Variants in ATP11A observed in about 807,000 individuals in gnomAD.
ATP11A encodes ATPase phospholipid transporting 11A.
In ATP11A, 81 loss-of-function variants were observed where a neutral mutation model predicts 154.4. The observed-to-expected ratio is 0.52, with a 90% CI of 0.44 to 0.63. ATP11A has a LOEUF of 0.63. ATP11A is among the 30% of genes least tolerant of loss of function. The probability of loss-of-function intolerance (pLI) is 0.00; values close to 1 mark genes in which losing one functional copy is unlikely to be tolerated. For missense variants in ATP11A, 1,316 were observed against 1,474.3 expected (o/e 0.89, Z 1.76); for synonymous variants, 623 against 585.9 (o/e 1.06, Z -0.91).
At chr13:112,846,446 T>C (rs553894551) in intron 17 of ATP11A, among the ~76,000 whole-genome samples, 55 of 152,298 alleles carry the variant, frequency 3.6e-4, no homozygotes, top group African/African-American at 1.3e-3. Flanking sequence ...CATCGGAGTT[T>C]TCATGTCTAG....
In ATP11A at chr13:112,690,112, G is replaced by GCCGAGCCCAA. The variant is rs1384458629; in HGVS notation, c.-298_-289dup. Among the ~76,000 whole-genome samples the GCCGAGCCCAA allele has an allele frequency of 1.3e-4, 19 of 148,586 alleles. No individual in the cohort carries two copies. The highest frequency in any genetic ancestry group is 3.4e-3 in the Middle Eastern group (1 of 290). On this transcript the variant is annotated 5_prime_UTR_variant, in exon 1 of 30. Coordinates refer to ENST00000375645, the MANE Select transcript of ATP11A (RefSeq NM_015205.3). This position sits in a 1 kb window ranked among gnomAD's most constrained non-coding sequence, Gnocchi z 5.6. ...GCTCCGCCGCGGCCGGGGTGCTCCA[G>GCCGAGCCCAA]CCGAGCCCAACCGAGCGGGCGGACC...
intron 27 of ATP11A, among the ~76,000 whole-genome samples, chr13:112,874,770 C>G (rs1456078526): frequency 6.6e-6 from 1 of 152,168 alleles, no homozygotes; most frequent in African/African-American, 2.4e-5. Context: ...CTGTCAGCCC[C>G]AGAGAAACCT....
At chr13:112,781,993 C>T (rs1045160457) in intron 1 of ATP11A, among the ~76,000 whole-genome samples, 1 of 152,140 alleles carries the variant, frequency 6.6e-6, no homozygotes, top group African/African-American at 2.4e-5. Flanking sequence ...CAGGCAAGGC[C>T]GCGCACTTGC....
intron 25 of ATP11A, among the ~76,000 whole-genome samples, chr13:112,869,635 C>T (rs989302370): frequency 1.3e-5 from 2 of 152,206 alleles, no homozygotes; most frequent in African/African-American, 4.8e-5. Flanking sequence ...AGCTGGGCAG[C>T]GTCAGGGGCT....
intron 2 of ATP11A, among the ~76,000 whole-genome samples, chr13:112,803,740 C>T (rs557082163): frequency 6.3e-5 from 8 of 126,118 alleles, no homozygotes; most frequent in Non-Finnish European, 8.4e-5. Context: ...GACCTCCTTC[C>T]CCTCCTTCTC....
intron 1 of ATP11A, among the ~76,000 whole-genome samples, chr13:112,784,002 G>A (rs1482046181): frequency 2.6e-5 from 4 of 152,120 alleles, no homozygotes; most frequent in Admixed American, 6.5e-5. Context: ...ATGCAGGGCC[G>A]GTGACCCCAC....
chr13:112,880,343 A>G, intron 29 of ATP11A: 1 of 248,312 alleles, frequency 4.0e-6, no homozygotes. Context: ...CGGGCCCCTC[A>G]TGGGAGCGGC....
In ATP11A at chr13:112,828,523, C is replaced by T. The variant is rs535505521; in HGVS notation, c.1221+1632C>T. Among the ~76,000 whole-genome samples the T allele has an allele frequency of 2.2e-4, 30 of 136,946 alleles. No individual in the cohort carries two copies. The South Asian group carries it at 6.3e-3, about 29-fold the overall frequency. 89.8% of individuals were successfully genotyped at this position (136,946 alleles called of 152,430 possible). A position where few individuals can be genotyped will look rare whatever the true frequency, so the allele number is the denominator to read the frequency against. On this transcript the variant is annotated intron_variant, in intron 12 of 29. Coordinates refer to ENST00000375645, the MANE Select transcript of ATP11A (RefSeq NM_015205.3). ...CCAGCGGTGTTGAGTGTGGGGAAAGCGCCCAGCAGTGTTGAGTAGGGGGGA... is the reference window on the plus strand; with the variant it reads ...CCAGCGGTGTTGAGTGTGGGGAAAGTGCCCAGCAGTGTTGAGTAGGGGGGA...
At chr13:112,880,491 A>G (rs1036752758) in intron 29 of ATP11A, 3 of 1,256,170 alleles carry the variant, frequency 2.4e-6, no homozygotes, top group Non-Finnish European at 3.1e-6. Context: ...AGGCCCGAGC[A>G]CTCCTGGTGG....
chr13:112,779,249 G>A (rs190583604), intron 1 of ATP11A, among the ~76,000 whole-genome samples: 4 of 137,826 alleles, frequency 2.9e-5, no homozygotes, highest in East Asian at 2.3e-4. Context: ...TGGAGTAGCC[G>A]CTGGAGTGAG....
intron 1 of ATP11A, among the ~76,000 whole-genome samples, chr13:112,758,655 C>T (rs1042364904): frequency 3.3e-5 from 5 of 151,854 alleles, no homozygotes; most frequent in Non-Finnish European, 1.5e-5. Flanking sequence ...GATCTCCTGA[C>T]CTCATGATCC....
intron 1 of ATP11A, among the ~76,000 whole-genome samples, chr13:112,771,769 A>G (rs181688538): frequency 1.6e-4 from 24 of 152,380 alleles, no homozygotes; most frequent in Admixed American, 3.9e-4. Context: ...ACATCAGTCA[A>G]TGTTGTAAAC....
At chr13:112,843,010 C>T (rs1446319378) in intron 17 of ATP11A, among the ~76,000 whole-genome samples, 1 of 152,254 alleles carries the variant, frequency 6.6e-6, no homozygotes, top group Non-Finnish European at 1.5e-5. Flanking sequence ...CCGGGCAACA[C>T]GTGGCTGGGG....
At chr13:112,772,837 T>G (rs1350620249) in intron 1 of ATP11A, among the ~76,000 whole-genome samples, 1 of 152,284 alleles carries the variant, frequency 6.6e-6, no homozygotes, top group African/African-American at 2.4e-5. Flanking sequence ...CTGGGCTTGT[T>G]GGCCATTTGC....
intron 2 of ATP11A, among the ~76,000 whole-genome samples, chr13:112,792,967 G>C (rs2077899967): frequency 6.6e-6 from 1 of 152,202 alleles, no homozygotes; most frequent in Non-Finnish European, 1.5e-5. Context: ...AATTCCCTCT[G>C]CAATTCGTAG....
At chr13:112,853,467 T>C (rs9577170) in intron 18 of ATP11A, among the ~76,000 whole-genome samples, 37,656 of 152,136 alleles carry the variant, frequency 0.25, 5,030 homozygotes, top group East Asian at 0.38. Context: ...TCTAGAAGCA[T>C]GGCACGTTAC....
At chr13:112,793,843 C>A (rs1274047548) in intron 2 of ATP11A, among the ~76,000 whole-genome samples, 1 of 152,212 alleles carries the variant, frequency 6.6e-6, no homozygotes, top group African/African-American at 2.4e-5. Context: ...AGAGGCAGGC[C>A]AGGTGAGGCC....
intron 1 of ATP11A, among the ~76,000 whole-genome samples, chr13:112,778,841 T>G (rs1359552519): frequency 3.6e-5 from 1 of 28,124 alleles, no homozygotes; most frequent in Non-Finnish European, 6.3e-5. Context: ...GCCGCTGGAG[T>G]GAGTAGCCGC....
chr13:112,851,003 G>A, intron 17 of ATP11A, 34 bp from the exon 18 acceptor site: 3 of 1,595,170 alleles, frequency 1.9e-6, no homozygotes, highest in Non-Finnish European at 1.7e-6. Context: ...GTGACACCTT[G>A]AATTCGTGCT....
Sources: allele counts gnomAD v4.1 joint callset (sites outside exome capture counted in the v4.1 genomes callset), GRCh38; gene constraint gnomAD v4.1.1; non-coding constraint Gnocchi (gnomAD v3.1); transcripts MANE v1.5; gene names NCBI Gene and HGNC (gene_info 2026-07-23, HGNC 2026-07-21).